MAN2B2: variants seen among roughly 807,000 people sequenced by gnomAD.
The protein encoded by MAN2B2 is epididymis-specific alpha-mannosidase.
MAN2B2 carries 106 observed loss-of-function variants against 117.1 expected under a neutral mutation model. The ratio of observed to expected loss-of-function variants is 0.90; its 90% CI spans 0.77 to 1.06. The LOEUF (loss-of-function observed/expected upper bound fraction) is 1.06, where lower values mean the gene tolerates loss of function less well. MAN2B2 is among the 50% of genes least tolerant of loss of function. The pLI is 0.00. For missense variants in MAN2B2, 1,326 were observed against 1,381.4 expected (o/e 0.96, Z 0.64); for synonymous variants, 544 against 595.1 (o/e 0.91, Z 1.25).
chr4:6,580,642 T>C (rs1157236066), intron 3 of MAN2B2, among the ~76,000 whole-genome samples: 1 of 152,150 alleles, frequency 6.6e-6, no homozygotes, highest in African/African-American at 2.4e-5. Context: ...GTCTCTGCAG[T>C]TCTGTGTCAC....
chr4:6,600,408 G>GCCTGC (rs1316576027), intron 9 of MAN2B2, among the ~76,000 whole-genome samples: 2 of 152,182 alleles, frequency 1.3e-5, no homozygotes, highest in African/African-American at 4.8e-5. Flanking sequence ...GAGCCCCTCC[G>GCCTGC]CCTGCCCTGC....
chr4:6,605,304 A>C lies in MAN2B2; in HGVS notation c.1789A>C (p.Asn597His), dbSNP rs757751053. 2.5e-6 allele frequency: 4 copies of C among 1,612,268 alleles called. No homozygotes were observed. The South Asian group carries it at 4.4e-5, about 18-fold the overall frequency. ...CATTGTGCTGCTCGACCAGGATACC[A>C]ACCTGATGCACAGCATCTGGGAGAG... ...CYIVLLDQDT[N>H]LMHSIWERQS... The change falls in exon 11 of 19, where the codon AAC becomes CAC. Residue 597 changes from asparagine (N) to histidine (H), a missense_variant. Transcript: ENST00000285599.
intron 3 of MAN2B2, among the ~76,000 whole-genome samples, chr4:6,582,391 T>C (rs771567526): frequency 4.6e-5 from 7 of 152,088 alleles, no homozygotes; most frequent in African/African-American, 1.7e-4. Flanking sequence ...CAGGCTGGAG[T>C]GCAGTGGCGC....
intron 3 of MAN2B2, among the ~76,000 whole-genome samples, chr4:6,579,357 A>G (rs1457364504): frequency 9.4e-6 from 1 of 106,306 alleles, no homozygotes; most frequent in Non-Finnish European, 1.9e-5. Context: ...CATCACCACC[A>G]CCATCACCAT....
intron 8 of MAN2B2, among the ~76,000 whole-genome samples, chr4:6,597,567 AT>A (rs895522940): frequency 8.5e-5 from 13 of 152,206 alleles, no homozygotes; most frequent in Non-Finnish European, 1.8e-4. Flanking sequence ...GTGGAGTGGC[AT>A]TTGTGTCCGA....
rs148239848 is a variant in MAN2B2 at position 6,578,426 on chromosome 4, T to C, written c.319T>C (p.Phe107Leu). 1.7e-5 allele frequency: 28 copies of C among 1,613,592 alleles called. No homozygotes were observed. The African/African-American group carries it at 3.1e-4, about 18-fold the overall frequency. ...RQLLEEGRLE[F>L]VIGGQVMHDE... ...GCTCCTGGAGGAAGGACGCCTGGAA[T>C]TTGTCATCGGAGGCCAGGTCATGCA... The change falls in exon 3 of 19, where the codon TTT becomes CTT. Residue 107 changes from phenylalanine to leucine, a missense_variant. By Grantham distance (22) the Phe-to-Leu change is conservative. Coordinates refer to ENST00000285599, the MANE Select transcript of MAN2B2 (RefSeq NM_015274.3).
At chr4:6,599,887 G>A (rs75513310) in intron 9 of MAN2B2, among the ~76,000 whole-genome samples, 3,881 of 152,312 alleles carry the variant, frequency 0.025, 167 homozygotes, top group African/African-American at 0.087. Flanking sequence ...GTGGCAGAAC[G>A]GGAGCTCTCA....
chr4:6,610,133 C>T (rs1181528306), intron 13 of MAN2B2, 83 bp downstream of exon 13: 10 of 1,539,032 alleles, frequency 6.5e-6, no homozygotes, highest in East Asian at 2.3e-5. Flanking sequence ...GCAGTAGAGG[C>T]CAGTAGAGGC....
chr4:6,592,968 C>G (rs1017617094), intron 5 of MAN2B2, among the ~76,000 whole-genome samples: 1 of 152,210 alleles, frequency 6.6e-6, no homozygotes, highest in African/African-American at 2.4e-5. Flanking sequence ...GGTCCTGAGA[C>G]CCGGGGTCTG....
At chr4:6,578,716 C>T (rs900630946) in intron 3 of MAN2B2, among the ~76,000 whole-genome samples, 1 of 152,088 alleles carries the variant, frequency 6.6e-6, no homozygotes, top group African/African-American at 2.4e-5. Context: ...CAGATGGTCT[C>T]AATATATCCT....
At position 6,594,639 on chromosome 4, in the gene MAN2B2, T is replaced by G. The variant is rs1380083272; in HGVS notation, c.964T>G (p.Tyr322Asp). 7 of 1,613,526 alleles carry G rather than the reference T, an allele frequency of 4.3e-6. No individual in the cohort carries two copies. Among genetic ancestry groups the G allele is most frequent in the Non-Finnish European group, 5.9e-6 (7 of 1,180,030 alleles). Residue 322 changes from tyrosine (Y) to aspartate (D), a missense_variant, in exon 7 of 19, where the codon TAT (tyrosine) becomes GAT (aspartate). By Grantham distance (160) the Tyr-to-Asp change is radical. Coordinates refer to ENST00000285599, the MANE Select transcript of MAN2B2 (RefSeq NM_015274.3). ...HAAELGVSVQ[Y>D]ATLGDYFRAL... Reference sequence around the variant, plus strand: ...TGCCGAGCTCGGTGTCTCGGTGCAGTATGCCACGCTGGGCGACTACTTCCG... The same window carrying G: ...TGCCGAGCTCGGTGTCTCGGTGCAGGATGCCACGCTGGGCGACTACTTCCG...
chr4:6,598,068 G>A (rs563398912), intron 8 of MAN2B2, 130 bp from the exon 9 acceptor site: 25 of 960,056 alleles, frequency 2.6e-5, no homozygotes, highest in South Asian at 3.5e-5. Flanking sequence ...GTAAAATGGC[G>A]GGGACTGCCC....
At chr4:6,593,451 G>C in intron 6 of MAN2B2, 101 bp downstream of exon 6, 1 of 1,231,698 alleles carries the variant, frequency 8.1e-7, no homozygotes, top group Non-Finnish European at 1.1e-6. Context: ...GACCCAGCTA[G>C]GCAGCCATGC....
At chr4:6,594,934 C>A (rs1004243352) in intron 7 of MAN2B2, among the ~76,000 whole-genome samples, 1 of 152,256 alleles carries the variant, frequency 6.6e-6, no homozygotes, top group Non-Finnish European at 1.5e-5. Flanking sequence ...CATGCACCAC[C>A]TGATTCCCAC....
Position 6,609,091 on chromosome 4 carries a change from T to C in MAN2B2, c.1815-16T>C. 1 of 1,607,202 alleles carries C rather than the reference T, an allele frequency of 6.2e-7. No individual in the cohort carries two copies. The highest frequency in any genetic ancestry group is 8.5e-7 in the Non-Finnish European group (1 of 1,175,800). On this transcript the variant is annotated splice_polypyrimidine_tract_variant and intron_variant, in intron 11 of 18. Coordinates refer to ENST00000285599, the MANE Select transcript of MAN2B2 (RefSeq NM_015274.3). ...TGCAGGATGAGAATGACATCTTCTC[T>C]CTCCTGCCTCTGCAGACAGAGTAAC...
At position 6,609,821 on chromosome 4, in the gene MAN2B2, C is replaced by T. The variant is rs373814800; in HGVS notation, c.2030C>T (p.Thr677Met). Residue 677 changes from threonine to methionine, a missense_variant, in exon 13 of 19, where the codon ACG (threonine) becomes ATG (methionine). By Grantham distance (81) the Thr-to-Met change is moderately conservative. Coordinates refer to ENST00000285599, the MANE Select transcript of MAN2B2 (RefSeq NM_015274.3). ...FYRNMTAQNY[T>M]YAIRSRLTHV... ...AGGAACATGACAGCACAGAATTACA[C>T]GTATGCAATCCGCTCCCGGCTCACC... is the stretch of plus-strand genomic sequence containing the variant. 1.8e-5 allele frequency: 29 copies of T among 1,613,788 alleles called. No individual in the cohort carries two copies. In the Admixed American group the frequency reaches 1.8e-4, roughly 10 times the overall value.
intron 15 of MAN2B2, among the ~76,000 whole-genome samples, chr4:6,612,953 CTCTG>C (rs1409903017): frequency 6.6e-6 from 1 of 152,228 alleles, no homozygotes; most frequent in African/African-American, 2.4e-5. Context: ...CTGCACTTCT[CTCTG>C]TCTGCAGACT....
chr4:6,611,812 C>T (rs1022934132), intron 15 of MAN2B2, among the ~76,000 whole-genome samples: 6 of 152,136 alleles, frequency 3.9e-5, no homozygotes, highest in Admixed American at 2.6e-4. Flanking sequence ...AAATAAAAGA[C>T]AAGTTGGGTC....
intron 1 of MAN2B2, 117 bp from the exon 2 acceptor site, chr4:6,576,461 C>A: frequency 2.5e-6 from 3 of 1,211,274 alleles, no homozygotes; most frequent in Non-Finnish European, 3.5e-6. Flanking sequence ...GGGTGAGCAG[C>A]AGGGAAGGAA....
Sources: gnomAD v4.1 joint callset for allele counts (sites outside exome capture counted in the v4.1 genomes callset) on GRCh38, gnomAD v4.1.1 for gene constraint, MANE v1.5 for transcripts, NCBI Gene and HGNC (gene_info 2026-07-23, HGNC 2026-07-21) for gene names.